ABLIM1: variants seen among roughly 807,000 people sequenced by gnomAD.
The protein encoded by ABLIM1 is actin-binding LIM protein 1.
Under a neutral mutation model 107.0 loss-of-function variants are expected in ABLIM1, and 40 were observed. That is an observed-to-expected ratio of 0.37 (90% confidence interval 0.29 to 0.49). The LOEUF (loss-of-function observed/expected upper bound fraction) is 0.49. ABLIM1 is among the 20% of genes least tolerant of loss of function. The pLI is 0.97. For synonymous variants in ABLIM1, 357 were observed against 357.3 expected (o/e 1.00, Z 0.01); for missense variants, 857 against 1,008.5 (o/e 0.85, Z 2.04).
chr10:114,500,577 G>A (rs1221307412), intron 6 of ABLIM1, among the ~76,000 whole-genome samples: 1 of 151,774 alleles, frequency 6.6e-6, no homozygotes, highest in Non-Finnish European at 1.5e-5. Flanking sequence ...CAGCTGGGGA[G>A]GCTGCGGTGG....
At chr10:114,633,993 C>T (rs145557082) in intron 1 of ABLIM1, among the ~76,000 whole-genome samples, 1 of 151,800 alleles carries the variant, frequency 6.6e-6, no homozygotes, top group African/African-American at 2.4e-5. Context: ...CTCTTTCCTT[C>T]CCCCACACCA....
intron 2 of ABLIM1, among the ~76,000 whole-genome samples, chr10:114,589,100 A>G (rs1028733391): frequency 8.5e-5 from 13 of 152,192 alleles, no homozygotes; most frequent in Admixed American, 7.2e-4. Context: ...AAGTTCTAAA[A>G]GTTTTAAAAA....
intron 2 of ABLIM1, among the ~76,000 whole-genome samples, chr10:114,599,785 CAAAT>C (rs35940521): frequency 1.3e-3 from 190 of 147,022 alleles, no homozygotes; most frequent in East Asian, 3.9e-3. Flanking sequence ...GACTCCATCT[CAAAT>C]AAATAAATAA....
intron 1 of ABLIM1, among the ~76,000 whole-genome samples, chr10:114,758,657 C>T (rs1168245803): frequency 6.6e-6 from 1 of 152,186 alleles, no homozygotes; most frequent in South Asian, 2.1e-4. Context: ...TCATTGTCCT[C>T]GTTTCCCTTC....
chr10:114,472,244 G>T (rs1335215395), intron 10 of ABLIM1, among the ~76,000 whole-genome samples: 1 of 152,054 alleles, frequency 6.6e-6, no homozygotes, highest in Non-Finnish European at 1.5e-5. Context: ...GAAGAAACTA[G>T]GACCATTTTT....
At chr10:114,538,046 A>G (rs1246596133) in intron 6 of ABLIM1, among the ~76,000 whole-genome samples, 1 of 152,254 alleles carries the variant, frequency 6.6e-6, no homozygotes, top group Non-Finnish European at 1.5e-5. Flanking sequence ...TTAGCCCAGA[A>G]CAAGACCTAC....
At chr10:114,689,551 G>A (rs1271194760), upstream of ABLIM1, among the ~76,000 whole-genome samples, 3 of 151,690 alleles carry the variant, frequency 2.0e-5, no homozygotes, top group East Asian at 1.9e-4. Context: ...TATTAGCGAC[G>A]GGGTTTCGCC....
At chr10:114,704,330 A>ATC (rs1566256287) in intron 1 of ABLIM1, among the ~76,000 whole-genome samples, 7 of 55,492 alleles carry the variant, frequency 1.3e-4, no homozygotes, top group African/African-American at 4.7e-4. Flanking sequence ...ATATATATAT[A>ATC]TATATTGCGC....
chr10:114,501,475 TA>T (rs1449267578), intron 6 of ABLIM1, among the ~76,000 whole-genome samples: 25 of 152,202 alleles, frequency 1.6e-4, no homozygotes, highest in African/African-American at 5.8e-4. Flanking sequence ...GTTTATTATA[TA>T]AAATCGAGCC....
intron 8 of ABLIM1, among the ~76,000 whole-genome samples, chr10:114,484,213 G>A (rs2057831223): frequency 6.6e-6 from 1 of 152,118 alleles, no homozygotes; most frequent in African/African-American, 2.4e-5. Context: ...GAGTAACTCT[G>A]GAGAAGTTAC....
chr10:114,621,266 A>C (rs1476345464), intron 1 of ABLIM1, among the ~76,000 whole-genome samples: 1 of 152,110 alleles, frequency 6.6e-6, no homozygotes, highest in Middle Eastern at 3.2e-3. Context: ...CTTTGAGTAC[A>C]TTTCACATTG....
intron 8 of ABLIM1, chr10:114,485,424 G>A: frequency 6.7e-7 from 1 of 1,498,442 alleles, no homozygotes; most frequent in Non-Finnish European, 9.1e-7. Flanking sequence ...CACAGAAATA[G>A]CCTCAAATCA....
chr10:114,435,585 AC>A lies in ABLIM1; in HGVS notation c.*674del, dbSNP rs1307254233. ...CCTGTTCCTTCTCTTTTGCTTTTGA[AC>A]AGTTTTTAAATATACTAATAGCTAA... is the stretch of plus-strand genomic sequence containing the variant. On this transcript the variant is annotated 3_prime_UTR_variant, in exon 23 of 23. Coordinates refer to ENST00000533213, the MANE Select transcript of ABLIM1 (RefSeq NM_002313.7). 6.6e-6 allele frequency: 1 copy of A among 152,202 alleles called. No individual in the cohort carries two copies. The highest frequency in any genetic ancestry group is 1.5e-5 in the Non-Finnish European group (1 of 68,036). 9.4% of individuals were successfully genotyped at this position (152,202 alleles called of 1,614,324 possible). A position where few individuals can be genotyped will look rare whatever the true frequency, so the allele number is the denominator to read the frequency against.
chr10:114,649,676 T>C (rs2079157220), intron 1 of ABLIM1, among the ~76,000 whole-genome samples: 1 of 152,050 alleles, frequency 6.6e-6, no homozygotes, highest in Admixed American at 6.6e-5. Context: ...CTATGCTTCC[T>C]TCCTGTTGGC....
upstream of ABLIM1, among the ~76,000 whole-genome samples, chr10:114,662,581 A>C (rs1445171192): frequency 6.6e-6 from 1 of 152,118 alleles, no homozygotes; most frequent in Admixed American, 6.5e-5. Context: ...GCATACTGGC[A>C]TATGCTCCGG....
chr10:114,558,668 T>C lies in ABLIM1; in HGVS notation c.674-10892A>G, dbSNP rs564604061. Among the ~76,000 whole-genome samples the C allele has an allele frequency of 5.3e-5, 8 of 152,340 alleles. 1 individual carries two copies. In the South Asian group the frequency reaches 1.7e-3, roughly 32 times the overall value. ...CTTTGAAAGGCTGTTGAAAACTAGC[T>C]AGGAGCTGAGAAATTTAGTATCTGC... On this transcript the variant is annotated intron_variant, in intron 4 of 22. Coordinates refer to ENST00000533213, the MANE Select transcript of ABLIM1 (RefSeq NM_002313.7).
At chr10:114,620,710 C>A (rs1010781015) in intron 1 of ABLIM1, among the ~76,000 whole-genome samples, 3 of 152,114 alleles carry the variant, frequency 2.0e-5, no homozygotes, top group Non-Finnish European at 4.4e-5. Context: ...CTGTGCCTGG[C>A]CACACACAAT....
the ABLIM1 span, among the ~76,000 whole-genome samples, chr10:114,775,286 C>T: frequency 2.6e-5 from 4 of 152,062 alleles, no homozygotes; most frequent in Admixed American, 1.3e-4. Context: ...GATTACAATT[C>T]GAGATGAGAT....
chr10:114,655,643 A>G (rs2079468253), intron 1 of ABLIM1, among the ~76,000 whole-genome samples: 1 of 152,088 alleles, frequency 6.6e-6, no homozygotes, highest in Non-Finnish European at 1.5e-5. Flanking sequence ...TAGTATGTGG[A>G]TCTGATTTTT....
Sources: gnomAD v4.1 joint callset for allele counts (sites outside exome capture counted in the v4.1 genomes callset) on GRCh38, gnomAD v4.1.1 for gene constraint, MANE v1.5 for transcripts, NCBI Gene and HGNC (gene_info 2026-07-23, HGNC 2026-07-21) for gene names.